The following HCN1 variants were observed in gnomAD, a reference collection of about 807,000 sequenced individuals.
HCN1 encodes the protein potassium/sodium hyperpolarization-activated cyclic nucleotide-gated channel 1.
Under a neutral mutation model 78.9 loss-of-function variants are expected in HCN1, and 13 were observed. The ratio of observed to expected loss-of-function variants is 0.16; its 90% CI spans 0.11 to 0.26. The LOEUF is 0.26. Among genes scored for constraint, HCN1 ranks in the 10% least tolerant of loss-of-function variants. HCN1 has a pLI of 1.00. For missense variants in HCN1, 810 were observed against 1,154.3 expected (o/e 0.70, Z 4.32); for synonymous variants, 552 against 455.5 (o/e 1.21, Z -2.70).
chr5:45,612,831 C>T (rs1224048037), intron 2 of HCN1, among the ~76,000 whole-genome samples: 2 of 152,156 alleles, frequency 1.3e-5, no homozygotes, highest in Non-Finnish European at 2.9e-5. Context: ...AGGTACTTAG[C>T]TCTCCCAATT....
chr5:45,665,838 G>T (rs939797696), intron 1 of HCN1, among the ~76,000 whole-genome samples: 1 of 151,992 alleles, frequency 6.6e-6, no homozygotes, highest in South Asian at 2.1e-4. Context: ...TGATGTAAAT[G>T]TCTTAATTTA....
At chr5:45,363,615 A>G (rs2111994455) in intron 4 of HCN1, among the ~76,000 whole-genome samples, 1 of 152,104 alleles carries the variant, frequency 6.6e-6, no homozygotes, top group South Asian at 2.1e-4. Flanking sequence ...TCAAATCTCA[A>G]CTTGAATTAT....
intron 5 of HCN1, among the ~76,000 whole-genome samples, chr5:45,346,567 CT>C (rs1412515729): frequency 6.6e-6 from 1 of 152,198 alleles, no homozygotes; most frequent in African/African-American, 2.4e-5. Flanking sequence ...GAGGCACTAC[CT>C]CACTCAGGAA....
At chr5:45,368,747 G>T (rs1379712981) in intron 4 of HCN1, among the ~76,000 whole-genome samples, 1 of 151,988 alleles carries the variant, frequency 6.6e-6, no homozygotes, top group African/African-American at 2.4e-5. Context: ...TCTACCGGGA[G>T]CTGGGGCCAA....
chr5:45,360,205 A>G (rs1747084475), intron 4 of HCN1, among the ~76,000 whole-genome samples: 1 of 151,614 alleles, frequency 6.6e-6, no homozygotes. Flanking sequence ...CTGAAGAGGT[A>G]TTTTTCTTAT....
chr5:45,626,428 T>C (rs2112004180), intron 2 of HCN1, among the ~76,000 whole-genome samples: 1 of 152,256 alleles, frequency 6.6e-6, no homozygotes, highest in Non-Finnish European at 1.5e-5. Context: ...GAGAATTGTG[T>C]ACTAATCAAT....
intron 3 of HCN1, among the ~76,000 whole-genome samples, chr5:45,412,836 A>G (rs989017745): frequency 6.6e-6 from 1 of 152,034 alleles, no homozygotes; most frequent in Non-Finnish European, 1.5e-5. Context: ...TTTGGGGATG[A>G]AAAGAACTGA....
intron 5 of HCN1, among the ~76,000 whole-genome samples, chr5:45,308,378 G>C (rs991440169): frequency 1.3e-5 from 2 of 151,984 alleles, no homozygotes; most frequent in African/African-American, 4.8e-5. Context: ...TTCTGAAAAA[G>C]CTTATTAAAG....
chr5:45,329,330 G>A (rs1199554317), intron 5 of HCN1, among the ~76,000 whole-genome samples: 1 of 151,374 alleles, frequency 6.6e-6, no homozygotes, highest in African/African-American at 2.4e-5. Flanking sequence ...GCATATCCTA[G>A]GGACCTCTTA....
At chr5:45,644,888 G>T in intron 2 of HCN1, 1 of 418,502 alleles carries the variant, frequency 2.4e-6, no homozygotes, top group Non-Finnish European at 4.2e-6. Context: ...AAAAACCAAG[G>T]TGGGAAAGGG....
chr5:45,397,698 C>A (rs1739714329), intron 3 of HCN1, among the ~76,000 whole-genome samples: 1 of 151,034 alleles, frequency 6.6e-6, no homozygotes, highest in Non-Finnish European at 1.5e-5. Flanking sequence ...TTTATAAAAC[C>A]TAATGTGATA....
chr5:45,500,537 G>T (rs766207668), intron 2 of HCN1, among the ~76,000 whole-genome samples: 1 of 152,238 alleles, frequency 6.6e-6, no homozygotes, highest in East Asian at 1.9e-4. Context: ...AGGAATAAAT[G>T]TTAGATCTGG....
chr5:45,657,595 T>C (rs1259647016), intron 1 of HCN1, among the ~76,000 whole-genome samples: 1 of 152,142 alleles, frequency 6.6e-6, no homozygotes, highest in Non-Finnish European at 1.5e-5. Context: ...TTTAAAGATA[T>C]GGCTTCTACC....
At chr5:45,532,556 T>A (rs1475190085) in intron 2 of HCN1, among the ~76,000 whole-genome samples, 1 of 152,210 alleles carries the variant, frequency 6.6e-6, no homozygotes, top group Non-Finnish European at 1.5e-5. Context: ...TAATTAAGTG[T>A]GTTCATTCTA....
chr5:45,414,058 T>A (rs1050536084), intron 3 of HCN1, among the ~76,000 whole-genome samples: 1 of 151,920 alleles, frequency 6.6e-6, no homozygotes, highest in Non-Finnish European at 1.5e-5. Flanking sequence ...AATTAGACCA[T>A]GGGAAAAAGA....
intron 2 of HCN1, among the ~76,000 whole-genome samples, chr5:45,479,667 T>C (rs1378412683): frequency 6.6e-6 from 1 of 152,126 alleles, no homozygotes; most frequent in Non-Finnish European, 1.5e-5. Context: ...GGTGGAAGCA[T>C]TCAACACTCA....
intron 2 of HCN1, among the ~76,000 whole-genome samples, chr5:45,594,576 C>T (rs1231150379): frequency 6.6e-6 from 1 of 152,142 alleles, no homozygotes; most frequent in Non-Finnish European, 1.5e-5. Flanking sequence ...TATTGAATAT[C>T]ACAGTCAGCA....
At chr5:45,467,347 T>C (rs989374199) in intron 2 of HCN1, among the ~76,000 whole-genome samples, 2 of 152,170 alleles carry the variant, frequency 1.3e-5, no homozygotes, top group East Asian at 1.9e-4. Context: ...TGTCCAGCTA[T>C]ATAAAAAATT....
In HCN1 at chr5:45,396,718, A is replaced by G. The variant is rs1391743582; in HGVS notation, c.1012-8T>C. Reference sequence around the variant, plus strand: ...CTTTCCCCAAGAATCATTCTGCAACATAAGATAAAAAGAAAATTGACTGAG... The same window carrying G: ...CTTTCCCCAAGAATCATTCTGCAACGTAAGATAAAAAGAAAATTGACTGAG... On this transcript the variant is annotated splice_polypyrimidine_tract_variant and splice_region_variant and intron_variant, in intron 3 of 7. Transcript: ENST00000303230. The G allele has an allele frequency of 5.0e-6, 8 of 1,610,852 alleles. No homozygotes were observed. The highest frequency in any genetic ancestry group is 1.3e-5 in the African/African-American group (1 of 74,976).
Sources: allele counts gnomAD v4.1 joint callset (sites outside exome capture counted in the v4.1 genomes callset), GRCh38; gene constraint gnomAD v4.1.1; transcripts MANE v1.5; gene names NCBI Gene and HGNC (gene_info 2026-07-23, HGNC 2026-07-21).